Variants in VPS8 observed in about 807,000 individuals in gnomAD.
The protein encoded by VPS8 is VPS8 subunit of CORVET complex.
A neutral mutation model predicts 216.4 loss-of-function variants in VPS8; 129 were observed. The ratio of observed to expected loss-of-function variants is 0.60; its 90% CI spans 0.52 to 0.69. The LOEUF is 0.69. Among genes scored for constraint, VPS8 ranks in the 30% least tolerant of loss-of-function variants. The pLI is 0.00. For synonymous variants in VPS8, 571 were observed against 565.4 expected (o/e 1.01, Z -0.14); for missense variants, 1,531 against 1,683.5 (o/e 0.91, Z 1.59).
intron 1 of VPS8, among the ~76,000 whole-genome samples, chr3:184,815,533 A>T (rs1157620492): frequency 1.3e-5 from 2 of 152,166 alleles, no homozygotes; most frequent in Admixed American, 1.3e-4. Context: ...GTGACTGCAG[A>T]TGACTCCTGT....
At chr3:184,847,065 A>G (rs1020868974) in intron 8 of VPS8, among the ~76,000 whole-genome samples, 1 of 152,246 alleles carries the variant, frequency 6.6e-6, no homozygotes, top group African/African-American at 2.4e-5. Context: ...TAGTTGTAAA[A>G]TTCTAGATGT....
chr3:185,031,584 TCTGGAGGACACTAA>T, intron 46 of VPS8, among the ~76,000 whole-genome samples: 1 of 152,152 alleles, frequency 6.6e-6, no homozygotes, highest in East Asian at 1.9e-4. Context: ...AGGGCAATGA[TCTGGAGGACACTAA>T]CTGGAAGAAA....
chr3:184,966,023 C>A (rs929307791), intron 38 of VPS8, among the ~76,000 whole-genome samples: 1 of 152,164 alleles, frequency 6.6e-6, no homozygotes, highest in African/African-American at 2.4e-5. Context: ...TAGAGGAATA[C>A]TTGAGGCTGG....
At chr3:184,832,658 G>T in intron 3 of VPS8, 31 bp from the exon 4 acceptor site, 1 of 1,569,424 alleles carries the variant, frequency 6.4e-7, no homozygotes, top group South Asian at 1.1e-5. Flanking sequence ...TTTGGATTTT[G>T]AATGTATTGA....
At chr3:184,851,383 T>G (rs1222243132) in intron 10 of VPS8, among the ~76,000 whole-genome samples, 6 of 152,342 alleles carry the variant, frequency 3.9e-5, no homozygotes, top group African/African-American at 1.4e-4. Context: ...ACTTGCATTT[T>G]AATACTCCTA....
At chr3:184,933,465 C>T (rs1327249437) in intron 34 of VPS8, among the ~76,000 whole-genome samples, 1 of 152,040 alleles carries the variant, frequency 6.6e-6, no homozygotes, top group Non-Finnish European at 1.5e-5. Flanking sequence ...AGTCTTTTAT[C>T]AGCAATATAT....
chr3:184,910,443 C>T (rs192425566), intron 25 of VPS8, among the ~76,000 whole-genome samples: 8 of 152,270 alleles, frequency 5.3e-5, no homozygotes, highest in African/African-American at 1.2e-4. Context: ...TCCCTATCTC[C>T]GCTTCTCCAA....
Position 184,826,226 on chromosome 3 carries a change from A to G in VPS8, c.217A>G (p.Asn73Asp). 1.9e-6 allele frequency: 3 copies of G among 1,608,426 alleles called. No homozygotes were observed. The highest frequency in any genetic ancestry group is 2.6e-6 in the Non-Finnish European group (3 of 1,176,378). Residue 73 changes from asparagine to aspartate, a missense_variant, in exon 3 of 48, where the codon AAT (asparagine) becomes GAT (aspartate). Physicochemically the swap from Asn to Asp is conservative, Grantham distance 23. This residue lies in a region of VPS8 where 199 missense variants were observed against 182.2 expected (regional missense o/e 1.09). Coordinates refer to ENST00000625842, the MANE Select transcript of VPS8 (RefSeq NM_001009921.3). ...DTPPTLESIL[N>D]ETDDEDESFI... ...TCCTCCAACACTGGAAAGCATACTA[A>G]ATGAGGTAAGTGAATATTAATGATT... is the stretch of plus-strand genomic sequence containing the variant.
At chr3:184,970,100 G>A (rs963515757) in intron 39 of VPS8, among the ~76,000 whole-genome samples, 9 of 151,312 alleles carry the variant, frequency 5.9e-5, no homozygotes, top group Non-Finnish European at 1.2e-4. Flanking sequence ...TAGTAGAGTT[G>A]GGGTTCCACC....
chr3:184,828,103 T>A (rs1405101933), intron 3 of VPS8, among the ~76,000 whole-genome samples: 1 of 152,148 alleles, frequency 6.6e-6, no homozygotes, highest in Non-Finnish European at 1.5e-5. Flanking sequence ...TAAAGGAGAC[T>A]GGGAAGAAAT....
chr3:184,838,882 G>T, intron 6 of VPS8, 136 bp downstream of exon 6: 7 of 668,318 alleles, frequency 1.0e-5, no homozygotes, highest in African/African-American at 3.8e-5. Flanking sequence ...CCAGTAATCA[G>T]GTTTAACATT....
chr3:185,025,018 A>G (rs1228188969), intron 46 of VPS8, among the ~76,000 whole-genome samples: 4 of 151,028 alleles, frequency 2.6e-5, no homozygotes, highest in Non-Finnish European at 4.4e-5. Flanking sequence ...AAGAAAAAGA[A>G]AAAGAAAAAA....
chr3:184,855,694 T>C lies in VPS8; in HGVS notation c.1036-17T>C. On this transcript the variant is annotated splice_polypyrimidine_tract_variant and intron_variant, in intron 13 of 47. Transcript: ENST00000625842. ...TTATTAACTGTGATGATTTTTTTTT[T>C]CCATCTCCCTACTTAGATGGATCCT... The C allele has an allele frequency of 1.3e-6, 2 of 1,591,794 alleles. No individual in the cohort carries two copies. Among genetic ancestry groups the C allele is most frequent in the Non-Finnish European group, 1.7e-6 (2 of 1,164,252 alleles).
At chr3:184,900,419 G>A (rs1734274878) in intron 24 of VPS8, among the ~76,000 whole-genome samples, 1 of 152,196 alleles carries the variant, frequency 6.6e-6, no homozygotes, top group South Asian at 2.1e-4. Context: ...GCTAATGGCA[G>A]CTGAATTTGC....
intron 35 of VPS8, among the ~76,000 whole-genome samples, chr3:184,938,537 C>T (rs1326907811): frequency 3.3e-5 from 5 of 152,140 alleles, no homozygotes; most frequent in Admixed American, 3.3e-4. Flanking sequence ...CTTCTCTCCC[C>T]TTTAAAAGTC....
chr3:184,813,169 G>A (rs1054960623), intron 1 of VPS8, among the ~76,000 whole-genome samples: 7 of 152,252 alleles, frequency 4.6e-5, no homozygotes, highest in African/African-American at 1.4e-4. Flanking sequence ...ATCAGGAATA[G>A]CTAGCTGGGG....
chr3:184,824,385 T>A (rs932271804), intron 1 of VPS8, among the ~76,000 whole-genome samples, 160 bp from the exon 2 acceptor site: 1 of 152,230 alleles, frequency 6.6e-6, no homozygotes, highest in African/African-American at 2.4e-5. Context: ...AACCCTCTCC[T>A]AATAACATAC....
intron 25 of VPS8, among the ~76,000 whole-genome samples, chr3:184,905,437 G>A (rs1296277855): frequency 2.0e-5 from 3 of 152,020 alleles, no homozygotes; most frequent in African/African-American, 7.2e-5. Flanking sequence ...GGTCAGTAGT[G>A]ATGTCTCTTT....
Position 184,999,879 on chromosome 3 carries a change from G to A in VPS8, c.4002+18G>A. 1 of 1,591,080 alleles carries A rather than the reference G, an allele frequency of 6.3e-7. No individual in the cohort carries two copies. On this transcript the variant is annotated intron_variant, in intron 45 of 47. Transcript: ENST00000625842. ...CATCACAGGTAAGACTTGTTTTCGT[G>A]GCAAAATGGAAATGGTCTTTTCTTA...
Sources: gnomAD v4.1 joint callset for allele counts (sites outside exome capture counted in the v4.1 genomes callset) on GRCh38, gnomAD v4.1.1 for gene constraint, gnomAD v4.1.1 regional missense constraint, MANE v1.5 for transcripts, NCBI Gene and HGNC (gene_info 2026-07-23, HGNC 2026-07-21) for gene names.